The following DLGAP1 variants were observed in gnomAD, a reference collection of about 807,000 sequenced individuals.
DLGAP1 encodes the protein disks large-associated protein 1.
In DLGAP1, 11 loss-of-function variants were observed where a neutral mutation model predicts 90.8. The ratio of observed to expected loss-of-function variants is 0.12; its 90% confidence interval spans 0.08 to 0.20. The LOEUF (loss-of-function observed/expected upper bound fraction) is 0.20. DLGAP1 is among the 10% of genes least tolerant of loss of function. The probability of loss-of-function intolerance (pLI) is 1.00; values close to 1 mark genes in which losing one functional copy is unlikely to be tolerated. For missense variants in DLGAP1, 1,050 were observed against 1,333.8 expected (o/e 0.79, Z 3.31); for synonymous variants, 558 against 540.7 (o/e 1.03, Z -0.44).
At chr18:3,779,110 G>T (rs1449907235) in intron 5 of DLGAP1, among the ~76,000 whole-genome samples, 1 of 152,156 alleles carries the variant, frequency 6.6e-6, no homozygotes, top group Non-Finnish European at 1.5e-5. Flanking sequence ...ATTTCTGTCT[G>T]TGTTGTCCTC....
chr18:3,998,213 T>C (rs984088320), intron 3 of DLGAP1, among the ~76,000 whole-genome samples: 4 of 152,226 alleles, frequency 2.6e-5, no homozygotes, highest in Admixed American at 2.6e-4. Flanking sequence ...ATCAACTGCT[T>C]GGTTACTTGG....
At chr18:4,283,597 T>C (rs139791360) in intron 1 of DLGAP1, among the ~76,000 whole-genome samples, 3 of 152,264 alleles carry the variant, frequency 2.0e-5, no homozygotes, top group African/African-American at 7.2e-5. Flanking sequence ...GTGTACAACT[T>C]ATAAAGGGAG....
intron 1 of DLGAP1, among the ~76,000 whole-genome samples, chr18:4,356,336 C>T (rs1460163608): frequency 6.6e-6 from 1 of 152,130 alleles, no homozygotes; most frequent in Non-Finnish European, 1.5e-5. Context: ...TTCCCTGAAT[C>T]TTAGACTTGT....
At chr18:3,620,103 A>C (rs1338717328) in intron 7 of DLGAP1, among the ~76,000 whole-genome samples, 2 of 152,142 alleles carry the variant, frequency 1.3e-5, no homozygotes, top group African/African-American at 2.4e-5. Context: ...GGCAGATGTT[A>C]GTAAGCATCT....
At chr18:4,350,659 T>C (rs1313256760) in intron 1 of DLGAP1, among the ~76,000 whole-genome samples, 2 of 152,154 alleles carry the variant, frequency 1.3e-5, no homozygotes, top group African/African-American at 4.8e-5. Context: ...ATTTGGATAA[T>C]CATATTTCCC....
intron 2 of DLGAP1, among the ~76,000 whole-genome samples, chr18:4,081,595 A>G (rs2075609259): frequency 6.6e-6 from 1 of 152,198 alleles, no homozygotes; most frequent in South Asian, 2.1e-4. Context: ...TCATCTGCTT[A>G]TAGTCCAGAC....
At chr18:4,232,611 T>C (rs576731856) in intron 1 of DLGAP1, among the ~76,000 whole-genome samples, 1 of 152,240 alleles carries the variant, frequency 6.6e-6, no homozygotes, top group African/African-American at 2.4e-5. Flanking sequence ...AAATTTACTA[T>C]CAACTTTAAA....
At chr18:4,008,410 T>C (rs1441131299) in intron 2 of DLGAP1, among the ~76,000 whole-genome samples, 1 of 152,208 alleles carries the variant, frequency 6.6e-6, no homozygotes, top group Non-Finnish European at 1.5e-5. Context: ...AAGGTATTTG[T>C]AGGCCATATA....
chr18:4,052,571 C>T (rs762357640), intron 2 of DLGAP1, among the ~76,000 whole-genome samples: 10 of 152,224 alleles, frequency 6.6e-5, no homozygotes, highest in South Asian at 4.2e-4. Context: ...AGGCCTGTGA[C>T]GGGAGGGACT....
At chr18:3,638,399 C>G (rs1003771300) in intron 7 of DLGAP1, among the ~76,000 whole-genome samples, 3 of 152,020 alleles carry the variant, frequency 2.0e-5, no homozygotes, top group Admixed American at 6.6e-5. Context: ...GGACTTGTAC[C>G]GCCATGCCTG....
At chr18:4,154,720 T>C (rs546757641) in intron 1 of DLGAP1, among the ~76,000 whole-genome samples, 1 of 152,308 alleles carries the variant, frequency 6.6e-6, no homozygotes, top group African/African-American at 2.4e-5. Flanking sequence ...CTAGCCTCTC[T>C]CAGTTTTAAT....
chr18:3,618,811 T>C (rs896135762), intron 7 of DLGAP1, among the ~76,000 whole-genome samples: 2 of 142,958 alleles, frequency 1.4e-5, no homozygotes, highest in Middle Eastern at 7.8e-3. Flanking sequence ...AAGTGGCGGG[T>C]GCCTGTAGTC....
rs1555605564 is a variant in DLGAP1 at position 4,357,170 on chromosome 18, T to TTTTG, written c.-267+97835_-267+97836insCAAA. Among the ~76,000 whole-genome samples, 6 of 145,074 alleles carry TTTTG rather than the reference T, an allele frequency of 4.1e-5. 1 individual carries two copies. The highest frequency in any genetic ancestry group is 7.8e-5 in the African/African-American group (3 of 38,338). On this transcript the variant is annotated intron_variant, in intron 1 of 12. Coordinates refer to ENST00000315677, the MANE Select transcript of DLGAP1 (RefSeq NM_004746.4). ...TTTGTTTTTTTCCTTTTTTTTTTTT[T>TTTTG]TTTTTGACAGGCTCACTCTGTGGCC...
In DLGAP1 at chr18:3,729,870, A is replaced by G. The variant is rs1346120729; in HGVS notation, c.1351-495T>C. Among the ~76,000 whole-genome samples, 2 of 152,210 alleles carry G rather than the reference A, an allele frequency of 1.3e-5. No homozygotes were observed. The highest frequency in any genetic ancestry group is 3.9e-4 in the East Asian group (2 of 5,190). ...TATTTTGGTATCACTTTTTAGCACA[A>G]ACATTTTAGAAACGAGTATTTTTAC... On this transcript the variant is annotated intron_variant, in intron 6 of 12. Transcript: ENST00000315677. The surrounding 1 kb of genome is among the most constrained non-coding windows in gnomAD (Gnocchi z 6.2).
chr18:3,854,627 C>T (rs2069525709), intron 4 of DLGAP1, among the ~76,000 whole-genome samples: 2 of 152,108 alleles, frequency 1.3e-5, no homozygotes, highest in South Asian at 4.1e-4. Flanking sequence ...AACCAGTGGC[C>T]CTTGCCTAGA....
At chr18:3,713,038 C>A (rs1381691670) in intron 7 of DLGAP1, among the ~76,000 whole-genome samples, 1 of 152,178 alleles carries the variant, frequency 6.6e-6, no homozygotes, top group Non-Finnish European at 1.5e-5. Context: ...TCTTTTCAAT[C>A]AATCCTCATC....
At chr18:3,845,493 G>T in intron 4 of DLGAP1, 4 of 1,278,450 alleles carry the variant, frequency 3.1e-6, no homozygotes, top group Non-Finnish European at 4.0e-6. Context: ...TATAGCTGAA[G>T]AATAACACTT....
chr18:3,761,512 T>C (rs889915925), intron 5 of DLGAP1, among the ~76,000 whole-genome samples: 1 of 152,220 alleles, frequency 6.6e-6, no homozygotes, highest in Non-Finnish European at 1.5e-5. Context: ...TTCCACCTTT[T>C]GGTTATTGTG....
chr18:3,634,399 C>T (rs192407450), intron 7 of DLGAP1, among the ~76,000 whole-genome samples: 8 of 152,186 alleles, frequency 5.3e-5, no homozygotes, highest in Non-Finnish European at 8.8e-5. Flanking sequence ...AAACTTTGAT[C>T]TCCCTTTCCT....
Sources: allele counts gnomAD v4.1 joint callset (sites outside exome capture counted in the v4.1 genomes callset), GRCh38; gene constraint gnomAD v4.1.1; non-coding constraint Gnocchi (gnomAD v3.1); transcripts MANE v1.5; gene names NCBI Gene and HGNC (gene_info 2026-07-23, HGNC 2026-07-21).